C12orf54: variants seen among roughly 807,000 people sequenced by gnomAD.
The protein encoded by C12orf54 is chromosome 12 open reading frame 54.
In C12orf54, 24 loss-of-function variants were observed where a neutral mutation model predicts 26.4. The ratio of observed to expected loss-of-function variants is 0.91; its 90% CI spans 0.66 to 1.28. C12orf54 has a LOEUF of 1.28. C12orf54 is among the 50% of genes most tolerant of loss of function. The pLI is 0.00. For missense variants in C12orf54, 154 were observed against 150.9 expected (o/e 1.02, Z -0.11); for synonymous variants, 54 against 47.0 (o/e 1.15, Z -0.61).
chr12:48,492,553 T>C (rs1006067082), intron 6 of C12orf54, among the ~76,000 whole-genome samples: 3 of 152,076 alleles, frequency 2.0e-5, no homozygotes, highest in South Asian at 4.1e-4. Context: ...TCCTAAAAGA[T>C]GGAGGGAGGG....
the C12orf54 span, among the ~76,000 whole-genome samples, chr12:48,453,523 G>GTA: frequency 2.8e-4 from 23 of 82,596 alleles, no homozygotes; most frequent in African/African-American, 9.8e-4. Flanking sequence ...AAATAAATGT[G>GTA]TATATATATA....
chr12:48,433,742 C>T, the C12orf54 span, among the ~76,000 whole-genome samples: 284 of 152,238 alleles, frequency 1.9e-3, no homozygotes, highest in African/African-American at 6.2e-3. Context: ...CCACCGCACC[C>T]GGCCAGCCAG....
chr12:48,495,317 G>A (rs1352578726), intron 8 of C12orf54, among the ~76,000 whole-genome samples: 2 of 152,104 alleles, frequency 1.3e-5, no homozygotes, highest in East Asian at 1.9e-4. Flanking sequence ...ATGGAAAGGT[G>A]GAAAGTTTTA....
chr12:48,458,897 A>G, the C12orf54 span, among the ~76,000 whole-genome samples: 1 of 152,150 alleles, frequency 6.6e-6, no homozygotes, highest in Non-Finnish European at 1.5e-5. Flanking sequence ...AAGCATTTTA[A>G]TAGAACTTAT....
At chr12:48,482,127 G>A (rs1023012639), upstream of C12orf54, among the ~76,000 whole-genome samples, 1 of 152,122 alleles carries the variant, frequency 6.6e-6, no homozygotes, top group Non-Finnish European at 1.5e-5. Flanking sequence ...TGATTTTCTA[G>A]GTCAAAGACT....
chr12:48,494,320 CA>C (rs1376982640), intron 7 of C12orf54, among the ~76,000 whole-genome samples: 1 of 151,938 alleles, frequency 6.6e-6, no homozygotes, highest in African/African-American at 2.4e-5. Flanking sequence ...GTCCCTATCT[CA>C]GAAAATTGAC....
At chr12:48,483,485 T>C in intron 2 of C12orf54, 124 bp downstream of exon 2, 1 of 774,670 alleles carries the variant, frequency 1.3e-6, no homozygotes, top group Non-Finnish European at 2.1e-6. Flanking sequence ...CTGAATAAGA[T>C]GGGGACTTTC....
chr12:48,459,303 G>A, the C12orf54 span, among the ~76,000 whole-genome samples: 56 of 152,244 alleles, frequency 3.7e-4, no homozygotes, highest in Admixed American at 9.2e-4. Flanking sequence ...ACGGTGAGAC[G>A]GAACTTCTCA....
chr12:48,420,914 A>T, the C12orf54 span, among the ~76,000 whole-genome samples: 1 of 151,988 alleles, frequency 6.6e-6, no homozygotes, highest in Non-Finnish European at 1.5e-5. Context: ...TTTAATTTTA[A>T]CTCATGCACA....
chr12:48,493,947 G>A (rs562134466), intron 7 of C12orf54, among the ~76,000 whole-genome samples: 44 of 151,556 alleles, frequency 2.9e-4, no homozygotes, highest in Admixed American at 1.1e-3. Flanking sequence ...GGCCAGGTGC[G>A]GTGGCTCATG....
the C12orf54 span, among the ~76,000 whole-genome samples, chr12:48,439,237 G>T: frequency 1.3e-5 from 2 of 152,176 alleles, no homozygotes; most frequent in Non-Finnish European, 2.9e-5. Context: ...TCATTAAAAA[G>T]TCAGGAAACA....
chr12:48,481,450 T>C (rs971081460), upstream of C12orf54, among the ~76,000 whole-genome samples: 1 of 152,066 alleles, frequency 6.6e-6, no homozygotes, highest in Non-Finnish European at 1.5e-5. Flanking sequence ...CAGAGTCTAA[T>C]TTGAAGCACT....
the C12orf54 span, among the ~76,000 whole-genome samples, chr12:48,439,803 T>G: frequency 6.6e-6 from 1 of 152,062 alleles, no homozygotes; most frequent in Non-Finnish European, 1.5e-5. Flanking sequence ...TGCTAAATGA[T>G]GAGGTAATGG....
At chr12:48,478,486 T>A (rs948892340), upstream of C12orf54, among the ~76,000 whole-genome samples, 1 of 152,186 alleles carries the variant, frequency 6.6e-6, no homozygotes, top group African/African-American at 2.4e-5. Flanking sequence ...CATGTTTGTA[T>A]ATCTAGAAAA....
At chr12:48,474,978 C>A in the C12orf54 span, among the ~76,000 whole-genome samples, 4 of 152,216 alleles carry the variant, frequency 2.6e-5, no homozygotes, top group East Asian at 7.7e-4. Context: ...CCTGAGTAGC[C>A]TAACTGGGAG....
At chr12:48,447,161 G>A in the C12orf54 span, among the ~76,000 whole-genome samples, 1 of 151,718 alleles carries the variant, frequency 6.6e-6, no homozygotes, top group Non-Finnish European at 1.5e-5. Context: ...AATGTGATGG[G>A]ATTAGTGCCC....
chr12:48,450,370 C>G, the C12orf54 span, among the ~76,000 whole-genome samples: 1 of 152,090 alleles, frequency 6.6e-6, no homozygotes, highest in African/African-American at 2.4e-5. Context: ...TGAAAGCCCA[C>G]ATCAAAAAGC....
the C12orf54 span, among the ~76,000 whole-genome samples, chr12:48,461,643 A>C: frequency 6.6e-6 from 1 of 151,894 alleles, no homozygotes; most frequent in Non-Finnish European, 1.5e-5. Flanking sequence ...TAAAGATCAA[A>C]GAAGAAATCA....
chr12:48,495,733 T>C (rs946811858), intron 8 of C12orf54: 2 of 152,494 alleles, frequency 1.3e-5, no homozygotes, highest in African/African-American at 4.8e-5. Context: ...TGTGTCTAAG[T>C]ACAGTGACTC....
Sources: gnomAD v4.1 joint callset for allele counts (sites outside exome capture counted in the v4.1 genomes callset) on GRCh38, gnomAD v4.1.1 for gene constraint, MANE v1.5 for transcripts, NCBI Gene and HGNC (gene_info 2026-07-23, HGNC 2026-07-21) for gene names.